The following FSIP1 variants were observed in gnomAD, a reference collection of about 807,000 sequenced individuals.
FSIP1 encodes the protein fibrous sheath-interacting protein 1.
A neutral mutation model predicts 60.9 loss-of-function variants in FSIP1; 65 were observed. That is an observed-to-expected ratio of 1.07 (90% CI 0.87 to 1.31). The LOEUF (loss-of-function observed/expected upper bound fraction) is 1.31. FSIP1 is among the 40% of genes most tolerant of loss of function. The pLI is 0.00. For synonymous variants in FSIP1, 209 were observed against 221.2 expected (o/e 0.94, Z 0.49); for missense variants, 675 against 665.5 (o/e 1.01, Z -0.16).
At chr15:39,739,644 T>C (rs770910359) in intron 7 of FSIP1, 21 bp downstream of exon 7, 3 of 1,579,102 alleles carry the variant, frequency 1.9e-6, no homozygotes, top group Non-Finnish European at 2.6e-6. Context: ...AATTCTGGCT[T>C]CTGAATTTCT....
rs530209557 is a variant in FSIP1, at chr15:39,673,231, G to A, written c.1188+40213C>T. ...TCTTTTTACTAACCTAGGAGTAAAC[G>A]CAACACAGTCTCATAAAAGCAAATA... On this transcript the variant is annotated intron_variant, in intron 10 of 11. Coordinates refer to ENST00000350221, the MANE Select transcript of FSIP1 (RefSeq NM_152597.5). Among the ~76,000 whole-genome samples, 15 of 152,230 alleles carry A rather than the reference G, an allele frequency of 9.9e-5. No individual in the cohort carries two copies. In the South Asian group the frequency reaches 1.2e-3, roughly 13 times the overall value.
At chr15:39,770,665 CT>C in intron 2 of FSIP1, 55 bp from the exon 3 acceptor site, 2 of 1,141,678 alleles carry the variant, frequency 1.8e-6, no homozygotes, top group Non-Finnish European at 2.4e-6. Flanking sequence ...TTTTTTTAAA[CT>C]TTACATTTCT....
At chr15:39,616,400 G>C (rs1279111212) in intron 11 of FSIP1, among the ~76,000 whole-genome samples, 1 of 152,200 alleles carries the variant, frequency 6.6e-6, no homozygotes, top group Non-Finnish European at 1.5e-5. Context: ...GAGAAGGTGA[G>C]TGTGTATGTG....
intron 10 of FSIP1, among the ~76,000 whole-genome samples, chr15:39,681,154 A>C (rs1168716796): frequency 6.6e-6 from 1 of 152,246 alleles, no homozygotes; most frequent in Non-Finnish European, 1.5e-5. Context: ...ATCATAGCAC[A>C]GAAATGAAGA....
intron 10 of FSIP1, among the ~76,000 whole-genome samples, chr15:39,663,929 ATTGT>A (rs1893398141): frequency 6.6e-6 from 1 of 152,202 alleles, no homozygotes; most frequent in East Asian, 1.9e-4. Flanking sequence ...GCTCCAAGGT[ATTGT>A]TTATTAATTT....
At chr15:39,656,628 G>A (rs767040445) in intron 10 of FSIP1, among the ~76,000 whole-genome samples, 17 of 152,134 alleles carry the variant, frequency 1.1e-4, no homozygotes, top group Non-Finnish European at 2.2e-4. Context: ...ACCCCATACA[G>A]TTTTTGTAAG....
chr15:39,609,407 C>T (rs1890943501), intron 11 of FSIP1, among the ~76,000 whole-genome samples: 1 of 152,180 alleles, frequency 6.6e-6, no homozygotes, highest in Non-Finnish European at 1.5e-5. Flanking sequence ...CCCACCCAAC[C>T]CCAGCAGCCA....
chr15:39,712,553 G>A (rs1485393883), intron 10 of FSIP1, among the ~76,000 whole-genome samples: 1 of 152,216 alleles, frequency 6.6e-6, no homozygotes, highest in African/African-American at 2.4e-5. Flanking sequence ...AAAGAAGCTT[G>A]AAGATCACCC....
chr15:39,737,315 G>A (rs547491689), intron 8 of FSIP1, among the ~76,000 whole-genome samples: 14 of 152,052 alleles, frequency 9.2e-5, no homozygotes, highest in African/African-American at 2.7e-4. Flanking sequence ...GTACCCACCC[G>A]GACTTATCAC....
chr15:39,676,172 CAAA>C (rs11369072), intron 10 of FSIP1, among the ~76,000 whole-genome samples: 1 of 112,850 alleles, frequency 8.9e-6, no homozygotes, highest in Admixed American at 9.8e-5. Flanking sequence ...GACTCCATCT[CAAA>C]AAAAAAAAAA....
At position 39,713,655 on chromosome 15, in the gene FSIP1, G is replaced by A. The variant is rs559178894; in HGVS notation, c.1051-74C>T. 2.9e-4 allele frequency: 383 copies of A among 1,333,726 alleles called. 2 individuals are homozygous for A. In the Middle Eastern group the frequency reaches 3.2e-3, roughly 11 times the overall value. The allele number at this position is 1,333,726 out of a possible 1,614,324, so 82.6% of individuals were successfully genotyped here. On this transcript the variant is annotated intron_variant, in intron 9 of 11. Transcript: ENST00000350221. ...TGTCACATACCACCTCAAAGCAACT[G>A]AGCCTTGAGGGTTAGCTTTGCTTCT...
At chr15:39,670,519 T>C (rs1595595441) in intron 10 of FSIP1, among the ~76,000 whole-genome samples, 1 of 152,252 alleles carries the variant, frequency 6.6e-6, no homozygotes, top group Non-Finnish European at 1.5e-5. Context: ...TCTCGCTCTG[T>C]AGCCCAGGCT....
At chr15:39,600,988 AAAC>A (rs1890619468) in intron 11 of FSIP1, 62 bp from the exon 12 acceptor site, 6 of 1,288,116 alleles carry the variant, frequency 4.7e-6, no homozygotes, top group Non-Finnish European at 6.6e-6. Context: ...TAATTAAGAA[AAAC>A]AACTCAGCCT....
At chr15:39,755,865 CCT>C (rs1461999311) in intron 5 of FSIP1, among the ~76,000 whole-genome samples, 1 of 151,982 alleles carries the variant, frequency 6.6e-6, no homozygotes, top group Non-Finnish European at 1.5e-5. Flanking sequence ...AAAAAGCAAC[CCT>C]GTCACTAGAT....
At chr15:39,708,052 C>G (rs2140539278) in intron 10 of FSIP1, among the ~76,000 whole-genome samples, 1 of 152,290 alleles carries the variant, frequency 6.6e-6, no homozygotes, top group African/African-American at 2.4e-5. Context: ...CTTATGGTGC[C>G]TATTCTATGA....
intron 3 of FSIP1, among the ~76,000 whole-genome samples, chr15:39,765,978 C>T (rs1473739363): frequency 6.6e-6 from 1 of 152,194 alleles, no homozygotes; most frequent in Non-Finnish European, 1.5e-5. Context: ...GTTGAGATAA[C>T]TGGGTCCTTT....
chr15:39,620,850 C>T lies in FSIP1; in HGVS notation c.1189-2605G>A, dbSNP rs374512496. Among the ~76,000 whole-genome samples, 9 of 150,908 alleles carry T rather than the reference C, an allele frequency of 6.0e-5. No individual in the cohort carries two copies. The East Asian group carries it at 1.7e-3, about 29-fold the overall frequency. ...TGAACTTCTGACCTCAAGTGATCCA[C>T]CCACCTCGGCCTCCCAAATTGTTAA... On this transcript the variant is annotated intron_variant, in intron 10 of 11. Transcript: ENST00000350221.
intron 10 of FSIP1, among the ~76,000 whole-genome samples, chr15:39,650,475 A>G (rs1443304403): frequency 1.3e-5 from 2 of 152,236 alleles, no homozygotes; most frequent in African/African-American, 4.8e-5. Flanking sequence ...CTAAAAGTAA[A>G]GAGTAAACCA....
chr15:39,758,802 A>G (rs1430208256), intron 5 of FSIP1, among the ~76,000 whole-genome samples: 1 of 152,152 alleles, frequency 6.6e-6, no homozygotes, highest in African/African-American at 2.4e-5. Flanking sequence ...TTACAAAGAC[A>G]CAATAATCAA....
Sources: gnomAD v4.1 joint callset for allele counts (sites outside exome capture counted in the v4.1 genomes callset) on GRCh38, gnomAD v4.1.1 for gene constraint, MANE v1.5 for transcripts, NCBI Gene and HGNC (gene_info 2026-07-23, HGNC 2026-07-21) for gene names.